FAM184B: variants seen among roughly 807,000 people sequenced by gnomAD.
FAM184B encodes the protein protein FAM184B.
A neutral mutation model predicts 135.9 loss-of-function variants in FAM184B; 111 were observed. The ratio of observed to expected loss-of-function variants is 0.82; its 90% CI spans 0.70 to 0.96. The LOEUF (loss-of-function observed/expected upper bound fraction) is 0.96. FAM184B is among the 40% of genes least tolerant of loss of function. FAM184B has a pLI of 0.00. For synonymous variants in FAM184B, 552 were observed against 524.8 expected (o/e 1.05, Z -0.71); for missense variants, 1,375 against 1,323.9 (o/e 1.04, Z -0.60).
intron 1 of FAM184B, among the ~76,000 whole-genome samples, chr4:17,737,631 T>C (rs1159083288): frequency 6.6e-6 from 1 of 152,172 alleles, no homozygotes; most frequent in East Asian, 1.9e-4. Context: ...GCTCCAGAAG[T>C]TGAGTTGACT....
At chr4:17,689,002 C>A (rs1716662317) in intron 6 of FAM184B, among the ~76,000 whole-genome samples, 1 of 151,974 alleles carries the variant, frequency 6.6e-6, no homozygotes, top group African/African-American at 2.4e-5. Context: ...CTAGAAATGC[C>A]ATTTCTAATG....
chr4:17,667,371 C>T (rs1434041994), intron 7 of FAM184B, among the ~76,000 whole-genome samples: 1 of 152,216 alleles, frequency 6.6e-6, no homozygotes, highest in African/African-American at 2.4e-5. Flanking sequence ...ATCACCCAAA[C>T]TTTGAGTGTT....
intron 1 of FAM184B, among the ~76,000 whole-genome samples, chr4:17,780,258 G>A (rs1217118320): frequency 6.6e-6 from 1 of 152,188 alleles, no homozygotes; most frequent in Non-Finnish European, 1.5e-5. Context: ...TGTTCCAGAC[G>A]CTACAGGACA....
intron 1 of FAM184B, among the ~76,000 whole-genome samples, chr4:17,748,854 G>T (rs139573516): frequency 2.1e-3 from 319 of 151,836 alleles, no homozygotes; most frequent in African/African-American, 6.9e-3. Context: ...TTAGAGATGG[G>T]GTTTCACTCA....
At chr4:17,642,597 T>G (rs1715353773) in intron 12 of FAM184B, among the ~76,000 whole-genome samples, 1 of 152,162 alleles carries the variant, frequency 6.6e-6, no homozygotes, top group African/African-American at 2.4e-5. Flanking sequence ...CTCAGTGAAG[T>G]CTTCCCTACC....
chr4:17,736,923 T>A (rs28461396), intron 1 of FAM184B, among the ~76,000 whole-genome samples: 156 of 152,278 alleles, frequency 1.0e-3, no homozygotes, highest in African/African-American at 3.7e-3. Context: ...GGTGGGCAGA[T>A]TGGCTGAGGT....
At chr4:17,674,141 G>C (rs1293721324) in intron 7 of FAM184B, among the ~76,000 whole-genome samples, 1 of 151,582 alleles carries the variant, frequency 6.6e-6, no homozygotes, top group African/African-American at 2.4e-5. Context: ...CTAAATTACT[G>C]TAATAGTAGT....
intron 1 of FAM184B, among the ~76,000 whole-genome samples, chr4:17,761,738 C>G (rs1241873412): frequency 6.6e-6 from 1 of 152,186 alleles, no homozygotes; most frequent in African/African-American, 2.4e-5. Flanking sequence ...TCAGGCTGGT[C>G]TCGAACTCCT....
At position 17,647,783 on chromosome 4, in the gene FAM184B, T is replaced by C. The variant is rs370717195; in HGVS notation, c.2200A>G (p.Arg734Gly). ...AQQALLLESL[R>G]QELSEQQAAC... Reference sequence around the variant, plus strand: ...GCTTGCTGCTCCGACAGCTCCTGTCTGAGCGACTCTGGAAAAGGGAGAGCA... The same window carrying C: ...GCTTGCTGCTCCGACAGCTCCTGTCCGAGCGACTCTGGAAAAGGGAGAGCA... Residue 734 changes from arginine (R) to glycine (G), a missense_variant, in exon 12 of 18, where the codon AGA (arginine) becomes GGA (glycine). Arg to Gly is a moderately radical substitution (Grantham distance 125). Coordinates refer to ENST00000265018, the MANE Select transcript of FAM184B (RefSeq NM_015688.2). 25 of 1,550,008 alleles carry C rather than the reference T, an allele frequency of 1.6e-5. No individual in the cohort carries two copies. The African/African-American group carries it at 2.2e-4, about 14-fold the overall frequency.
rs181267406 is a variant in FAM184B at position 17,739,614 on chromosome 4, C to T, written c.142-29970G>A. Among the ~76,000 whole-genome samples the T allele has an allele frequency of 3.8e-4, 49 of 129,566 alleles. No homozygotes were observed. In the East Asian group the frequency reaches 9.3e-3, roughly 25 times the overall value. The allele number at this position is 129,566 out of a possible 152,430, so 85.0% of individuals were successfully genotyped here. A position where few individuals can be genotyped will look rare whatever the true frequency, so the allele number is the denominator to read the frequency against. On this transcript the variant is annotated intron_variant, in intron 1 of 17. Coordinates refer to ENST00000265018, the MANE Select transcript of FAM184B (RefSeq NM_015688.2). ...TGTCTCCCAGGCTGGAGTGCAGTGG[C>T]GCCATCTTGGCTCACCGGCAACCTC...
intron 9 of FAM184B, 82 bp from the exon 10 acceptor site, chr4:17,658,644 T>G: frequency 1.5e-6 from 2 of 1,324,358 alleles, no homozygotes; most frequent in Non-Finnish European, 2.1e-6. Flanking sequence ...TTTCTAAATG[T>G]TACCTCCATG....
Position 17,709,303 on chromosome 4 carries a change from C to A in FAM184B, c.483G>T (p.Arg161Ser). 1 of 1,549,568 alleles carries A rather than the reference C, an allele frequency of 6.5e-7. No individual in the cohort carries two copies. Among genetic ancestry groups the A allele is most frequent in the South Asian group, 1.2e-5 (1 of 83,908 alleles). ...MLELKADYER[R>S]LQHLTSHEAT... is the part of the protein sequence containing the mutation. ...CCTCGTGGCTCGTCAGGTGCTGGAG[C>A]CTCCTCTCGTAGTCAGCCTTGAGCT... Residue 161 changes from arginine (R) to serine (S), a missense_variant, in exon 2 of 18, where the codon AGG (arginine) becomes AGT (serine). Coordinates refer to ENST00000265018, the MANE Select transcript of FAM184B (RefSeq NM_015688.2).
chr4:17,750,468 T>A (rs1718268124), intron 1 of FAM184B, among the ~76,000 whole-genome samples: 1 of 152,236 alleles, frequency 6.6e-6, no homozygotes, highest in South Asian at 2.1e-4. Context: ...TATTGTTGTA[T>A]TTTAATGCAG....
In FAM184B at chr4:17,652,972, T is replaced by A; in HGVS notation, c.2049A>T (p.Glu683Asp). The change falls in exon 11 of 18, where the codon GAA becomes GAT. Residue 683 changes from glutamate (E) to aspartate (D), a missense_variant. Glu to Asp is a conservative substitution (Grantham distance 45). Transcript: ENST00000265018. The part of the protein sequence containing the change: ...ARHQELKATE[E>D]RLKKESSHSL... ...TGTGGCTGGATTCCTTCTTCAAGCGTTCCTCTGTGGCCTGTGGGAAAAAGT... is the reference window on the plus strand; with the variant it reads ...TGTGGCTGGATTCCTTCTTCAAGCGATCCTCTGTGGCCTGTGGGAAAAAGT... 6.4e-7 allele frequency: 1 copy of A among 1,551,686 alleles called. No homozygotes were observed. Among genetic ancestry groups the A allele is most frequent in the East Asian group, 2.4e-5 (1 of 40,920 alleles).
At chr4:17,688,351 T>C (rs4698646) in intron 7 of FAM184B, 73 bp downstream of exon 7, 1,120,706 of 1,127,368 alleles carry the variant, frequency 0.99, 557,312 homozygotes, top group East Asian at 1. Context: ...CAGCATGTGT[T>C]ACTGGGGACA....
chr4:17,685,272 T>C (rs1315127222), intron 7 of FAM184B, among the ~76,000 whole-genome samples: 2 of 143,086 alleles, frequency 1.4e-5, no homozygotes, highest in Non-Finnish European at 3.0e-5. Context: ...TGAGGAGGGC[T>C]GGGCAGGTTG....
At chr4:17,703,951 C>CA (rs1208584500) in intron 5 of FAM184B, among the ~76,000 whole-genome samples, 1 of 150,728 alleles carries the variant, frequency 6.6e-6, no homozygotes, top group Admixed American at 6.6e-5. Flanking sequence ...AAGCAAAAAG[C>CA]AAAAAAAGAA....
At chr4:17,696,742 G>A (rs531200371) in intron 5 of FAM184B, among the ~76,000 whole-genome samples, 27 of 152,228 alleles carry the variant, frequency 1.8e-4, no homozygotes, top group African/African-American at 5.3e-4. Flanking sequence ...TAGCCCAGGA[G>A]TTCGAGGCTG....
chr4:17,654,570 G>A (rs956880948), intron 10 of FAM184B, among the ~76,000 whole-genome samples: 11 of 152,272 alleles, frequency 7.2e-5, no homozygotes, highest in Non-Finnish European at 1.3e-4. Context: ...TGATGGAAGA[G>A]GCAGGATTGT....
Sources: allele counts gnomAD v4.1 joint callset (sites outside exome capture counted in the v4.1 genomes callset), GRCh38; gene constraint gnomAD v4.1.1; transcripts MANE v1.5; gene names NCBI Gene and HGNC (gene_info 2026-07-23, HGNC 2026-07-21).